The following CEP350 variants were observed in gnomAD, a reference collection of about 807,000 sequenced individuals.
The protein encoded by CEP350 is centrosome-associated protein 350.
Under a neutral mutation model 331.8 loss-of-function variants are expected in CEP350, and 126 were observed. The ratio of observed to expected loss-of-function variants is 0.38; its 90% CI spans 0.33 to 0.44. CEP350 has a LOEUF of 0.44. Among genes scored for constraint, CEP350 ranks in the 20% least tolerant of loss-of-function variants. The pLI, the probability that CEP350 is intolerant of heterozygous loss-of-function variation, is 1.00. For missense variants in CEP350, 3,406 were observed against 3,634.6 expected (o/e 0.94, Z 1.62); for synonymous variants, 1,200 against 1,259.5 (o/e 0.95, Z 1.00).
intron 1 of CEP350, among the ~76,000 whole-genome samples, chr1:179,958,052 AGCT>A (rs1385845423): frequency 6.6e-6 from 1 of 152,220 alleles, no homozygotes; most frequent in Non-Finnish European, 1.5e-5. Context: ...TCCATTGCAC[AGCT>A]GCTAAGTCTA....
In CEP350 at chr1:180,094,310, G is replaced by C. The variant is rs35720901; in HGVS notation, c.8205G>C (p.Lys2735Asn). ...AAAACCAACTGGAAGCCCAGCTGAA[G>C]TCATCACTAAATGAGGAAAAAAAGT... ...REKNQLEAQL[K>N]SSLNEEKKSK... The change falls in exon 34 of 38, where the codon AAG becomes AAC. Residue 2735 changes from lysine to asparagine, a missense_variant. Physicochemically the swap from Lys to Asn is moderately conservative, Grantham distance 94 (BLOSUM62 0). This residue lies in a region of CEP350 where 1,415 missense variants were observed against 1,512.3 expected (regional missense o/e 0.94). Coordinates refer to ENST00000367607, the MANE Select transcript of CEP350 (RefSeq NM_014810.5). 1.3e-3 allele frequency: 2,022 copies of C among 1,613,866 alleles called. 14 individuals carry two copies. In the African/African-American group the frequency reaches 0.02, roughly 16 times the overall value.
chr1:180,037,000 G>C lies in CEP350; in HGVS notation c.4021G>C (p.Glu1341Gln). ...AELSYLNAIEESVRQLSDVER... is the reference protein window; with the variant it reads ...AELSYLNAIEQSVRQLSDVER... ...ACTCAGTTATCTGAACGCCATTGAGGAGTCGGTGCGCCAACTGTCAGATGT... is the reference window on the plus strand; with the variant it reads ...ACTCAGTTATCTGAACGCCATTGAGCAGTCGGTGCGCCAACTGTCAGATGT... Residue 1341 changes from glutamate to glutamine, a missense_variant, in exon 17 of 38, where the codon GAG becomes CAG. Physicochemically the swap from Glu to Gln is conservative, Grantham distance 29 (BLOSUM62 2). Transcript: ENST00000367607. 6.2e-7 allele frequency: 1 copy of C among 1,600,274 alleles called. No homozygotes were observed. The highest frequency in any genetic ancestry group is 8.5e-7 in the Non-Finnish European group (1 of 1,173,186).
Position 180,096,040 on chromosome 1 carries a change from G to T in CEP350, c.8922G>T (p.Ala2974=). The change falls in exon 36 of 38, where the codon GCG becomes GCT. Residue 2974 remains alanine, a splice_region_variant and synonymous_variant. Transcript: ENST00000367607. ...ESTSKRVYKQ[A]VFDLTKEIFE... The stretch of plus-strand genomic sequence containing the variant: ...TTGTTTTGTTTTTCTCTATCAAGGC[G>T]GTTTTTGATTTAACAAAAGAGATTT... 2 of 1,551,302 alleles carry T rather than the reference G, an allele frequency of 1.3e-6. No homozygotes were observed. The highest frequency in any genetic ancestry group is 1.7e-6 in the Non-Finnish European group (2 of 1,147,172).
In CEP350 at chr1:180,092,235, A is replaced by G. The variant is rs537282110; in HGVS notation, c.6509-379A>G. The stretch of plus-strand genomic sequence containing the variant: ...AAAATGTATTCTTTTAGAAGTATAT[A>G]TGGAAGTCTGTTTCTCCTTCACTAG... On this transcript the variant is annotated intron_variant, in intron 33 of 37. Coordinates refer to ENST00000367607, the MANE Select transcript of CEP350 (RefSeq NM_014810.5). 7.2e-5 allele frequency among the ~76,000 whole-genome samples: 11 copies of G among 152,326 alleles called. No individual in the cohort carries two copies. In the South Asian group the frequency reaches 2.1e-3, roughly 29 times the overall value.
At chr1:180,021,218 T>C (rs1655299786) in intron 12 of CEP350, among the ~76,000 whole-genome samples, 1 of 152,200 alleles carries the variant, frequency 6.6e-6, no homozygotes, top group Non-Finnish European at 1.5e-5. Flanking sequence ...TTTAAAATTG[T>C]TATTATCATA....
At chr1:179,956,515 G>A (rs1021739363) in intron 1 of CEP350, among the ~76,000 whole-genome samples, 28 of 152,168 alleles carry the variant, frequency 1.8e-4, no homozygotes, top group Non-Finnish European at 4.0e-4. Context: ...CCAACCTTCT[G>A]TGGGGCAATC....
chr1:179,966,036 G>A (rs981033423), intron 1 of CEP350, among the ~76,000 whole-genome samples: 3 of 152,106 alleles, frequency 2.0e-5, no homozygotes, highest in Non-Finnish European at 4.4e-5. Context: ...CCTGGACTCA[G>A]CAAAAATAGA....
intron 12 of CEP350, among the ~76,000 whole-genome samples, chr1:180,021,332 C>T (rs1011276870): frequency 6.6e-6 from 1 of 152,022 alleles, no homozygotes; most frequent in Non-Finnish European, 1.5e-5. Flanking sequence ...ACTACATTTT[C>T]TGTGACCATA....
intron 8 of CEP350, 74 bp from the exon 9 acceptor site, chr1:180,011,855 C>A: frequency 1.0e-6 from 1 of 961,192 alleles, no homozygotes; most frequent in Non-Finnish European, 1.5e-6. Flanking sequence ...AATAATAAAA[C>A]CTGTATGGTT....
intron 31 of CEP350, 42 bp from the exon 32 acceptor site, chr1:180,087,536 A>G: frequency 1.4e-6 from 2 of 1,478,938 alleles, no homozygotes; most frequent in Non-Finnish European, 1.8e-6. Flanking sequence ...AATAAGTTTT[A>G]AAAATTCTGC....
chr1:179,976,577 C>A (rs1651883618), intron 1 of CEP350, among the ~76,000 whole-genome samples: 1 of 150,982 alleles, frequency 6.6e-6, no homozygotes, highest in Non-Finnish European at 1.5e-5. Flanking sequence ...TGGCATGAAC[C>A]TGGGAGGTGG....
intron 1 of CEP350, among the ~76,000 whole-genome samples, chr1:179,974,713 C>T (rs184613347): frequency 5.3e-4 from 81 of 152,222 alleles, no homozygotes; most frequent in African/African-American, 1.8e-3. Context: ...GAACAGAGGC[C>T]AACCATGGTA....
At chr1:180,042,908 T>C in intron 19 of CEP350, 148 bp from the exon 20 acceptor site, 1 of 741,192 alleles carries the variant, frequency 1.3e-6, no homozygotes, top group South Asian at 2.1e-5. Context: ...AGAGGCTAAA[T>C]GACTTGTCCA....
At chr1:179,977,734 A>T (rs1219266068) in intron 1 of CEP350, among the ~76,000 whole-genome samples, 1 of 152,154 alleles carries the variant, frequency 6.6e-6, no homozygotes, top group African/African-American at 2.4e-5. Flanking sequence ...TAAGTTGATT[A>T]AAAAATCTTT....
rs1173413027 is a variant in CEP350, at chr1:180,094,220, C to A, written c.8115C>A (p.Asp2705Glu). The A allele has an allele frequency of 6.2e-7, 1 of 1,613,130 alleles. No homozygotes were observed. Among genetic ancestry groups the A allele is most frequent in the Non-Finnish European group, 8.5e-7 (1 of 1,179,568 alleles). ...AACAGCAGTTTACAGAAGAGGAAGA[C>A]AACCTATATGCTGAAGCTTCAGAAA... ...EKQQQFTEEE[D>E]NLYAEASEKL... Residue 2705 changes from aspartate (D) to glutamate (E), a missense_variant, in exon 34 of 38, where the codon GAC (aspartate) becomes GAA (glutamate). Physicochemically the swap from Asp to Glu is conservative, Grantham distance 45. This residue lies in a region of CEP350 where 1,415 missense variants were observed against 1,512.3 expected (regional missense o/e 0.94). Coordinates refer to ENST00000367607, the MANE Select transcript of CEP350 (RefSeq NM_014810.5).
intron 14 of CEP350, among the ~76,000 whole-genome samples, chr1:180,024,915 CTTTA>C (rs1304225125): frequency 1.3e-5 from 2 of 151,664 alleles, no homozygotes; most frequent in Non-Finnish European, 2.9e-5. Flanking sequence ...ACACACATGA[CTTTA>C]TTTATTTACT....
intron 25 of CEP350, among the ~76,000 whole-genome samples, chr1:180,060,740 G>A (rs146785005): frequency 3.3e-5 from 5 of 152,010 alleles, no homozygotes; most frequent in African/African-American, 7.2e-5. Flanking sequence ...ATTAAAAGGC[G>A]TAAATTAGCA....
intron 25 of CEP350, among the ~76,000 whole-genome samples, chr1:180,058,892 T>C (rs1658024418): frequency 1.3e-5 from 2 of 152,296 alleles, no homozygotes; most frequent in African/African-American, 4.8e-5. Flanking sequence ...CTAAGCAATT[T>C]GGTACAACCG....
At chr1:180,074,868 C>G (rs899147406) in intron 27 of CEP350, among the ~76,000 whole-genome samples, 154 bp from the exon 28 acceptor site, 1 of 152,034 alleles carries the variant, frequency 6.6e-6, no homozygotes, top group Non-Finnish European at 1.5e-5. Flanking sequence ...CTCATGAAAG[C>G]TTCTATTATC....
Sources: allele counts gnomAD v4.1 joint callset (sites outside exome capture counted in the v4.1 genomes callset), GRCh38; gene constraint gnomAD v4.1.1; regional missense constraint gnomAD v4.1.1; transcripts MANE v1.5; gene names NCBI Gene and HGNC (gene_info 2026-07-23, HGNC 2026-07-21).